The following CCDC13 variants were observed in gnomAD, a reference collection of about 807,000 sequenced individuals.
The protein encoded by CCDC13 is coiled-coil domain-containing protein 13.
In CCDC13, 70 loss-of-function variants were observed where a neutral mutation model predicts 87.3. The ratio of observed to expected loss-of-function variants is 0.80; its 90% CI spans 0.66 to 0.98. CCDC13 has a LOEUF of 0.98. CCDC13 is among the 50% of genes least tolerant of loss of function. The pLI is 0.00. For missense variants in CCDC13, 842 were observed against 892.0 expected (o/e 0.94, Z 0.71); for synonymous variants, 317 against 360.3 (o/e 0.88, Z 1.36).
chr3:42,751,661 G>A (rs1575322937), intron 5 of CCDC13, among the ~76,000 whole-genome samples: 5 of 152,362 alleles, frequency 3.3e-5, no homozygotes, highest in African/African-American at 9.6e-5. Context: ...AGGGTTCTCA[G>A]GCTCCTCCCA....
chr3:42,721,994 A>G (rs956581789), intron 13 of CCDC13, among the ~76,000 whole-genome samples: 1 of 152,356 alleles, frequency 6.6e-6, no homozygotes, highest in South Asian at 2.1e-4. Context: ...ACAGTTGGCC[A>G]GTTCATGGAA....
chr3:42,761,092 G>A (rs1420465822), intron 1 of CCDC13, among the ~76,000 whole-genome samples: 1 of 152,142 alleles, frequency 6.6e-6, no homozygotes, highest in African/African-American at 2.4e-5. Flanking sequence ...ATTATTAAAT[G>A]CTCCCCTCAC....
chr3:42,772,950 T>C (rs1400288844), intron 1 of CCDC13, among the ~76,000 whole-genome samples: 2 of 152,146 alleles, frequency 1.3e-5, no homozygotes, highest in Non-Finnish European at 2.9e-5. Flanking sequence ...CATTAACCCA[T>C]GTACTGCATG....
chr3:42,751,035 G>A (rs555248758), intron 5 of CCDC13, among the ~76,000 whole-genome samples: 5 of 152,264 alleles, frequency 3.3e-5, no homozygotes, highest in East Asian at 3.9e-4. Flanking sequence ...CATTCACCTC[G>A]GAACCTGAGG....
chr3:42,772,630 G>C (rs1700156360), intron 1 of CCDC13, among the ~76,000 whole-genome samples: 1 of 152,184 alleles, frequency 6.6e-6, no homozygotes, highest in Non-Finnish European at 1.5e-5. Context: ...TTGGCGCTCT[G>C]TGCACTGCTA....
At chr3:42,717,627 G>A (rs1185119950) in intron 13 of CCDC13, among the ~76,000 whole-genome samples, 1 of 152,140 alleles carries the variant, frequency 6.6e-6, no homozygotes, top group African/African-American at 2.4e-5. Context: ...CAAATGTTTG[G>A]TGTATATAGC....
chr3:42,739,712 C>T lies in CCDC13; in HGVS notation c.1086G>A (p.Glu362=), dbSNP rs1311900501. The T allele has an allele frequency of 6.2e-7, 1 of 1,614,258 alleles. No individual in the cohort carries two copies. The highest frequency in any genetic ancestry group is 8.5e-7 in the Non-Finnish European group (1 of 1,180,040). ...CCATCTGACTCTTGAGGGTCTTCAT[C>T]TCACTTGACAGCAGCTTGTTCCGAG... ...MRSRNKLLSS[E]MKTLKSQMGT... Residue 362 remains glutamate (E), a synonymous_variant, in exon 9 of 16, where the codon GAG becomes GAA. Transcript: ENST00000310232.
chr3:42,737,847 C>T (rs1699080819), intron 9 of CCDC13, among the ~76,000 whole-genome samples: 1 of 152,040 alleles, frequency 6.6e-6, no homozygotes, highest in African/African-American at 2.4e-5. Context: ...AAATTTTATC[C>T]CATTCTTTAG....
chr3:42,730,486 C>A lies in CCDC13; in HGVS notation c.1699G>T (p.Val567Phe). 6.2e-7 allele frequency: 1 copy of A among 1,614,038 alleles called. No individual in the cohort carries two copies. The highest frequency in any genetic ancestry group is 8.5e-7 in the Non-Finnish European group (1 of 1,179,904). Reference protein sequence around the residue: ...EVERDRLTEFVTVLQKRVEES... With the variant: ...EVERDRLTEFFTVLQKRVEES... Reference sequence around the variant, plus strand: ...TGTTACCGTTTCTGCAGGACAGTGACAAACTCGGTGAGCCGGTCACGCTCC... The same window carrying A: ...TGTTACCGTTTCTGCAGGACAGTGAAAAACTCGGTGAGCCGGTCACGCTCC... Residue 567 changes from valine (V) to phenylalanine (F), a missense_variant, in exon 13 of 16, where the codon GTC (valine) becomes TTC (phenylalanine). Physicochemically the swap from Val to Phe is conservative, Grantham distance 50 (BLOSUM62 -1). Transcript: ENST00000310232.
intron 13 of CCDC13, among the ~76,000 whole-genome samples, chr3:42,717,323 G>A (rs960515259): frequency 1.3e-5 from 2 of 152,012 alleles, no homozygotes; most frequent in Non-Finnish European, 2.9e-5. Context: ...CTATTTGGGA[G>A]GCTGAGACAG....
chr3:42,715,759 T>C (rs1435298059), intron 13 of CCDC13, among the ~76,000 whole-genome samples: 3 of 152,222 alleles, frequency 2.0e-5, no homozygotes, highest in Non-Finnish European at 4.4e-5. Context: ...CACTGGTCAG[T>C]AGTGGAGTGT....
chr3:42,726,087 C>T (rs1287913496), intron 13 of CCDC13, among the ~76,000 whole-genome samples: 1 of 152,086 alleles, frequency 6.6e-6, no homozygotes, highest in Non-Finnish European at 1.5e-5. Flanking sequence ...TCTTTTTGCC[C>T]AGGCTGGAGT....
chr3:42,764,115 A>C (rs927573477), intron 1 of CCDC13, among the ~76,000 whole-genome samples: 1 of 152,248 alleles, frequency 6.6e-6, no homozygotes, highest in African/African-American at 2.4e-5. Flanking sequence ...AAGAGATAAA[A>C]GTTTTGATCA....
chr3:42,713,255 G>A lies in CCDC13; in HGVS notation c.1780C>T (p.Arg594Cys), dbSNP rs984663349. 6.2e-6 allele frequency: 10 copies of A among 1,614,120 alleles called. No individual in the cohort carries two copies. Among genetic ancestry groups the A allele is most frequent in the Non-Finnish European group, 7.6e-6 (9 of 1,180,018 alleles). The change falls in exon 14 of 16, where the codon CGC becomes TGC. Residue 594 changes from arginine (R) to cysteine (C), a missense_variant. Coordinates refer to ENST00000310232, the MANE Select transcript of CCDC13 (RefSeq NM_144719.4). Reference sequence around the variant, plus strand: ...AGATGTTGCTCCAGCACCACGGTGCGGTGTCGCTCCTCCTGCAGCTTCCTC... The same window carrying A: ...AGATGTTGCTCCAGCACCACGGTGCAGTGTCGCTCCTCCTGCAGCTTCCTC... ...SERKLQEERHRTVVLEQHLEK... is the reference protein window; with the variant it reads ...SERKLQEERHCTVVLEQHLEK...
intron 1 of CCDC13, 115 bp from the exon 2 acceptor site, chr3:42,758,466 T>C: frequency 7.3e-6 from 7 of 958,080 alleles, no homozygotes; most frequent in Non-Finnish European, 1.1e-5. Flanking sequence ...GTTGCATGTA[T>C]GTCCACGCAG....
At chr3:42,753,786 G>A (rs1699642737) in intron 3 of CCDC13, among the ~76,000 whole-genome samples, 1 of 152,200 alleles carries the variant, frequency 6.6e-6, no homozygotes, top group South Asian at 2.1e-4. Context: ...GAAATGGCAA[G>A]TACAGAGGTC....
At chr3:42,713,622 T>C (rs1177890590) in intron 13 of CCDC13, among the ~76,000 whole-genome samples, 4 of 152,228 alleles carry the variant, frequency 2.6e-5, no homozygotes, top group South Asian at 2.1e-4. Flanking sequence ...TACAGATGCT[T>C]ATGTTGCTAT....
rs759351124 is a variant in CCDC13, at chr3:42,732,947, G to A, written c.1535C>T (p.Thr512Ile). The A allele has an allele frequency of 1.1e-5, 17 of 1,553,376 alleles. No homozygotes were observed. In the South Asian group the frequency reaches 1.9e-4, roughly 17 times the overall value. ...SSRSVTSLGH[T>I]LVESALTRPS... ...CCTCGTGAGAGCAGATTCCACCAGT[G>A]TGTGGCCCAGGCTGGTCACAGAGCT... Residue 512 changes from threonine to isoleucine, a missense_variant, in exon 12 of 16, where the codon ACA becomes ATA. Thr to Ile is a moderately conservative substitution (Grantham distance 89). Transcript: ENST00000310232.
Position 42,736,568 on chromosome 3 carries a change from T to A in CCDC13, c.1165-655A>T, listed in dbSNP as rs2125887412. ...TGACATGCAGGGACCTCAGAGGACA[T>A]CCAGCCCTGCGACTTATTTTTAAAA... is the stretch of plus-strand genomic sequence containing the variant. On this transcript the variant is annotated intron_variant, in intron 9 of 15. Coordinates refer to ENST00000310232, the MANE Select transcript of CCDC13 (RefSeq NM_144719.4). Among the ~76,000 whole-genome samples, 2 of 152,252 alleles carry A rather than the reference T, an allele frequency of 1.3e-5. 1 individual carries two copies. Among genetic ancestry groups the A allele is most frequent in the South Asian group, 4.2e-4 (2 of 4,816 alleles).
Sources: allele counts gnomAD v4.1 joint callset (sites outside exome capture counted in the v4.1 genomes callset), GRCh38; gene constraint gnomAD v4.1.1; transcripts MANE v1.5; gene names NCBI Gene and HGNC (gene_info 2026-07-23, HGNC 2026-07-21).